Variants in PLXNA4 observed in about 807,000 individuals in gnomAD.
PLXNA4 encodes plexin-A4.
A neutral mutation model predicts 191.8 loss-of-function variants in PLXNA4; 44 were observed. The observed-to-expected ratio is 0.23, with a 90% CI of 0.18 to 0.29. The LOEUF (loss-of-function observed/expected upper bound fraction) is 0.29, where lower values mean the gene tolerates loss of function less well. PLXNA4 is among the 10% of genes least tolerant of loss of function. The pLI is 1.00. For missense variants in PLXNA4, 1,800 were observed against 2,488.8 expected (o/e 0.72, Z 5.89); for synonymous variants, 1,082 against 1,009.5 (o/e 1.07, Z -1.36).
At chr7:132,509,368 C>A (rs1798617795) in intron 1 of PLXNA4, among the ~76,000 whole-genome samples, 1 of 152,192 alleles carries the variant, frequency 6.6e-6, no homozygotes. Context: ...TACTACATTG[C>A]CCCTTAAAGA....
At chr7:132,270,588 A>G (rs185039196) in intron 4 of PLXNA4, among the ~76,000 whole-genome samples, 2 of 152,352 alleles carry the variant, frequency 1.3e-5, no homozygotes, top group Admixed American at 1.3e-4. Flanking sequence ...GGGATAGAGG[A>G]ATGAGAGCAA....
In PLXNA4 at chr7:132,613,745, TAAAC is replaced by T. The variant is rs577565284; in HGVS notation, c.-87+32179_-87+32182del. ...GCTATCTATACCTGAAATAAAAAAA[TAAAC>T]AAAACACGGCCACAAGGACCTACAG... On this transcript the variant is annotated intron_variant, in intron 2 of 4. Transcript: ENST00000378539. 1.1e-4 allele frequency among the ~76,000 whole-genome samples: 16 copies of T among 151,970 alleles called. No individual in the cohort carries two copies. The East Asian group carries it at 3.1e-3, about 29-fold the overall frequency.
Position 132,148,558 on chromosome 7 carries a change from T to C in PLXNA4, c.4749A>G (p.Thr1583=), listed in dbSNP as rs745706919. The change falls in exon 26 of 32, where the codon ACA becomes ACG. Residue 1583 remains threonine (T), a synonymous_variant. Transcript: ENST00000321063. ...KIENDWKRLN[T]LAHYQVPDGS... ...TTCCCCTCACCTGGTAGTGGGCCAG[T>C]GTGTTCAGTCGCTTCCAATCATTCT... 7.3e-5 allele frequency: 118 copies of C among 1,614,086 alleles called. 2 individuals are homozygous for C. The East Asian group carries it at 2.4e-3, about 32-fold the overall frequency.
chr7:132,292,585 C>A (rs952600409), intron 4 of PLXNA4, among the ~76,000 whole-genome samples: 1 of 152,220 alleles, frequency 6.6e-6, no homozygotes, highest in African/African-American at 2.4e-5. Flanking sequence ...CTCTTCATCA[C>A]AAACAGATGA....
chr7:132,631,610 G>T (rs1356309673), intron 2 of PLXNA4, among the ~76,000 whole-genome samples: 1 of 152,062 alleles, frequency 6.6e-6, no homozygotes, highest in African/African-American at 2.4e-5. Context: ...CTGATCTTTT[G>T]CCCTGAGATT....
chr7:132,178,811 G>A (rs1414891106), intron 20 of PLXNA4, among the ~76,000 whole-genome samples: 2 of 124,688 alleles, frequency 1.6e-5, no homozygotes, highest in Non-Finnish European at 3.1e-5. Flanking sequence ...TGGGCTGCTT[G>A]CTTGTAAATG....
intron 4 of PLXNA4, among the ~76,000 whole-genome samples, chr7:132,281,151 G>A (rs1483011733): frequency 2.6e-5 from 4 of 152,202 alleles, no homozygotes; most frequent in African/African-American, 4.8e-5. Context: ...TAATACATTT[G>A]TTTAGCACTT....
chr7:132,334,533 C>T (rs12538334), intron 3 of PLXNA4, among the ~76,000 whole-genome samples: 17,257 of 152,018 alleles, frequency 0.11, 1,207 homozygotes, highest in Admixed American at 0.22. Context: ...GCTGGAATTA[C>T]AGGTGCCCAG....
chr7:132,622,457 C>T (rs1265757913), intron 2 of PLXNA4, among the ~76,000 whole-genome samples: 1 of 151,862 alleles, frequency 6.6e-6, no homozygotes, highest in Non-Finnish European at 1.5e-5. Flanking sequence ...GGAAAATAAT[C>T]AGGGAGTCAT....
In PLXNA4 at chr7:132,179,896, G is replaced by GTGGC; in HGVS notation, c.3664_3665insGCCA (p.Ser1222CysfsTer41). 6.2e-7 allele frequency: 1 copy of GTGGC among 1,610,510 alleles called. No homozygotes were observed. The highest frequency in any genetic ancestry group is 1.1e-5 in the South Asian group (1 of 90,832). ...CGGGGCAATGTACACCATCCCCGGG[G>GTGGC]AGTACTCCATGCCACCGACACGGGC... On this transcript the variant is annotated frameshift_variant, in exon 20 of 32. Coordinates refer to ENST00000321063, the MANE Select transcript of PLXNA4 (RefSeq NM_020911.2). LOFTEE classifies it high-confidence loss of function.
chr7:132,224,394 GC>G (rs1173200338), intron 8 of PLXNA4, among the ~76,000 whole-genome samples: 1 of 152,030 alleles, frequency 6.6e-6, no homozygotes, highest in Non-Finnish European at 1.5e-5. Context: ...GTCACCCTGG[GC>G]CCTTCTCCCG....
In PLXNA4 at chr7:132,601,919, A is replaced by G. The variant is rs143085930; in HGVS notation, c.-87+44009T>C. Among the ~76,000 whole-genome samples, 990 of 152,344 alleles carry G rather than the reference A, an allele frequency of 6.5e-3. 17 individuals are homozygous for G. The highest frequency in any genetic ancestry group is 0.022 in the African/African-American group (907 of 41,588). ...GTTAAATCCCCATTTCACACATGAGAAAAGCAATGTGGGAGCTGAGACTAT... is the reference window on the plus strand; with the variant it reads ...GTTAAATCCCCATTTCACACATGAGGAAAGCAATGTGGGAGCTGAGACTAT... On this transcript the variant is annotated intron_variant, in intron 2 of 4. Coordinates refer to the PLXNA4 transcript ENST00000378539.
intron 11 of PLXNA4, among the ~76,000 whole-genome samples, 182 bp downstream of exon 11, chr7:132,203,141 T>A (rs1238079969): frequency 6.6e-6 from 1 of 152,142 alleles, no homozygotes; most frequent in Non-Finnish European, 1.5e-5. Flanking sequence ...ACAGAGCCCA[T>A]GCTCAAGAAG....
intron 1 of PLXNA4, among the ~76,000 whole-genome samples, chr7:132,530,526 A>T (rs1369877038): frequency 6.6e-6 from 1 of 152,240 alleles, no homozygotes; most frequent in Non-Finnish European, 1.5e-5. Flanking sequence ...GCAAATCAAA[A>T]CTACAACAAA....
At chr7:132,513,056 T>A (rs1035871935) in intron 1 of PLXNA4, among the ~76,000 whole-genome samples, 24 of 152,326 alleles carry the variant, frequency 1.6e-4, no homozygotes, top group African/African-American at 5.8e-4. Context: ...TGCTACAGTT[T>A]TCCCTTCTTT....
In PLXNA4 at chr7:132,132,494, T is replaced by G. The variant is rs1278230367; in HGVS notation, c.5589+555A>C. 1.2e-3 allele frequency among the ~76,000 whole-genome samples: 118 copies of G among 100,030 alleles called. 1 individual carries two copies. The highest frequency in any genetic ancestry group is 2.2e-3 in the Admixed American group (21 of 9,640). The allele number at this position is 100,030 out of a possible 152,430, so 65.6% of individuals were successfully genotyped here. On this transcript the variant is annotated intron_variant, in intron 31 of 31. Transcript: ENST00000321063. ...TCTGCTCTGCTCTGCTCTGCTCTAT[T>G]CTTTTCTATTCTATTCTATTCTATT...
intron 3 of PLXNA4, among the ~76,000 whole-genome samples, chr7:132,400,472 GT>G (rs1793939487): frequency 6.6e-6 from 1 of 152,196 alleles, no homozygotes; most frequent in Non-Finnish European, 1.5e-5. Context: ...CAAGCAGGTA[GT>G]TCAAGGTGCT....
In PLXNA4 at chr7:132,286,642, G is replaced by T. The variant is rs571812654; in HGVS notation, c.1503+11449C>A. On this transcript the variant is annotated intron_variant, in intron 4 of 31. Transcript: ENST00000321063. ...ATTCTGGGGCAGAGAGAAGGAAAAT[G>T]AGCCAGTTTTCCCTCTGCTCTAGAA... Among the ~76,000 whole-genome samples, 6 of 152,250 alleles carry T rather than the reference G, an allele frequency of 3.9e-5. No individual in the cohort carries two copies. The South Asian group carries it at 1.2e-3, about 32-fold the overall frequency.
intron 3 of PLXNA4, among the ~76,000 whole-genome samples, chr7:132,446,772 A>G (rs954897408): frequency 6.6e-6 from 1 of 152,186 alleles, no homozygotes; most frequent in Non-Finnish European, 1.5e-5. Flanking sequence ...AGAGTCAACA[A>G]GCTAAGGTAA....
Sources: gnomAD v4.1 joint callset for allele counts (sites outside exome capture counted in the v4.1 genomes callset) on GRCh38, gnomAD v4.1.1 for gene constraint, MANE v1.5 for transcripts, NCBI Gene and HGNC (gene_info 2026-07-23, HGNC 2026-07-21) for gene names.